Variants in KCNN2 observed in about 807,000 individuals in gnomAD.
The protein encoded by KCNN2 is small conductance calcium-activated potassium channel protein 2.
KCNN2 carries 24 observed loss-of-function variants against 55.5 expected under a neutral mutation model. The observed-to-expected ratio is 0.43, with a 90% confidence interval of 0.31 to 0.61. The LOEUF (loss-of-function observed/expected upper bound fraction) is 0.61, where lower values mean the gene tolerates loss of function less well. Ranked by LOEUF, KCNN2 falls within the 20% of genes least tolerant of loss-of-function variation. The pLI is 0.08. For synonymous variants in KCNN2, 431 were observed against 336.1 expected, an observed-to-expected ratio of 1.28 and a Z score of -3.09; for missense variants, 754 against 853.6, an observed-to-expected ratio of 0.88 and a Z score of 1.45.
chr5:114,467,884 C>G lies in KCNN2; in HGVS notation c.1779+4694C>G, dbSNP rs112772339. 6.5e-3 allele frequency among the ~76,000 whole-genome samples: 990 copies of G among 152,290 alleles called. 3 individuals are homozygous for G. The highest frequency in any genetic ancestry group is 0.012 in the Non-Finnish European group (793 of 68,032). On this transcript the variant is annotated intron_variant, in intron 4 of 7. Coordinates refer to ENST00000673685, the MANE Select transcript of KCNN2 (RefSeq NM_021614.4). ...TGAAGTACCTGCACTCACACTGGCA[C>G]TGTTGCTAATCAGGAGATTTAAACC...
chr5:114,159,375 C>T (rs1186879562), intron 1 of KCNN2, among the ~76,000 whole-genome samples: 1 of 152,058 alleles, frequency 6.6e-6, no homozygotes, highest in African/African-American at 2.4e-5. Flanking sequence ...GGTGGATAAG[C>T]TTTTGGATGT....
intron 2 of KCNN2, among the ~76,000 whole-genome samples, chr5:114,291,890 G>C (rs533846930): frequency 2.6e-4 from 40 of 152,118 alleles, no homozygotes; most frequent in African/African-American, 8.9e-4. Flanking sequence ...ATTCTAACTG[G>C]TGTGAGATGG....
chr5:114,062,002 T>G (rs577531047), intron 1 of KCNN2, among the ~76,000 whole-genome samples: 2 of 152,326 alleles, frequency 1.3e-5, no homozygotes, highest in Non-Finnish European at 2.9e-5. Flanking sequence ...GATGACCAAC[T>G]GTAATTGGTC....
At chr5:114,207,079 T>G (rs534972909) in intron 1 of KCNN2, among the ~76,000 whole-genome samples, 3 of 152,314 alleles carry the variant, frequency 2.0e-5, no homozygotes, top group Non-Finnish European at 2.9e-5. Context: ...GCATCTACAG[T>G]GGATCGTATC....
At chr5:114,077,800 G>T (rs569015718) in intron 1 of KCNN2, among the ~76,000 whole-genome samples, 2 of 152,164 alleles carry the variant, frequency 1.3e-5, no homozygotes, top group South Asian at 2.1e-4. Context: ...TCTCTGTCCC[G>T]TCTAGGGGAA....
intron 1 of KCNN2, among the ~76,000 whole-genome samples, chr5:114,148,948 G>T (rs1752460450): frequency 6.6e-6 from 1 of 152,036 alleles, no homozygotes; most frequent in Admixed American, 6.6e-5. Context: ...CTGAATAAGA[G>T]CCCAGTCAGC....
intron 1 of KCNN2, among the ~76,000 whole-genome samples, chr5:114,213,438 T>G (rs909616724): frequency 2.6e-5 from 4 of 151,942 alleles, no homozygotes; most frequent in Non-Finnish European, 4.4e-5. Context: ...CTTCTTTTTT[T>G]AATTCAGTAC....
At chr5:114,270,598 A>C (rs998421828) in intron 2 of KCNN2, among the ~76,000 whole-genome samples, 1 of 152,230 alleles carries the variant, frequency 6.6e-6, no homozygotes, top group Admixed American at 6.5e-5. Flanking sequence ...GGAATCATTA[A>C]GGACTAAATT....
At chr5:114,098,141 T>C (rs751195137) in intron 1 of KCNN2, among the ~76,000 whole-genome samples, 8 of 152,142 alleles carry the variant, frequency 5.3e-5, no homozygotes, top group Non-Finnish European at 1.0e-4. Flanking sequence ...CATGGCCTTC[T>C]TCTCTGTCTG....
intron 1 of KCNN2, among the ~76,000 whole-genome samples, chr5:114,160,168 G>A (rs1416374258): frequency 6.6e-6 from 1 of 152,128 alleles, no homozygotes; most frequent in Non-Finnish European, 1.5e-5. Context: ...TCTACATACT[G>A]CTTAGAATGT....
rs554366037 is a variant in KCNN2 at position 114,150,549 on chromosome 5, G to T, written c.-270-70931G>T. On this transcript the variant is annotated intron_variant, in intron 1 of 10. Coordinates refer to the KCNN2 transcript ENST00000512097. ...CCCCACATTCCCTGAGCTGACCCTTGTCATCTTACACAAAGCCTTTGGTCC... is the reference window on the plus strand; with the variant it reads ...CCCCACATTCCCTGAGCTGACCCTTTTCATCTTACACAAAGCCTTTGGTCC... Among the ~76,000 whole-genome samples, 5 of 152,288 alleles carry T rather than the reference G, an allele frequency of 3.3e-5. No homozygotes were observed. The East Asian group carries it at 9.6e-4, about 29-fold the overall frequency.
chr5:114,224,665 G>A (rs1481182295), intron 2 of KCNN2, among the ~76,000 whole-genome samples: 3 of 152,188 alleles, frequency 2.0e-5, no homozygotes, highest in Admixed American at 6.6e-5. Context: ...CAAGGCAGGT[G>A]AGGTTTCTGG....
intron 1 of KCNN2, among the ~76,000 whole-genome samples, chr5:114,176,320 A>G (rs753362438): frequency 6.6e-6 from 1 of 152,172 alleles, no homozygotes; most frequent in Non-Finnish European, 1.5e-5. Context: ...GCTTATAATC[A>G]TAAGTTTTTT....
chr5:114,107,656 A>G (rs1580520193), intron 1 of KCNN2, among the ~76,000 whole-genome samples: 1 of 151,970 alleles, frequency 6.6e-6, no homozygotes, highest in African/African-American at 2.4e-5. Context: ...TGGGCCTCCC[A>G]AAGTGTTGGC....
chr5:114,132,188 G>A lies in KCNN2; in HGVS notation c.-271+75688G>A, dbSNP rs190614032. Among the ~76,000 whole-genome samples, 697 of 152,220 alleles carry A rather than the reference G, an allele frequency of 4.6e-3. 2 individuals carry two copies. Among genetic ancestry groups the A allele is most frequent in the Non-Finnish European group, 6.2e-3 (424 of 68,010 alleles). On this transcript the variant is annotated intron_variant, in intron 1 of 10. Transcript: ENST00000512097. ...TGTTGCAATTGCTTTTGACATTTGT[G>A]TCATGAAATCTTTGATCATGCCTAT...
At chr5:114,228,914 A>G (rs1393797146) in intron 2 of KCNN2, among the ~76,000 whole-genome samples, 2 of 152,054 alleles carry the variant, frequency 1.3e-5, no homozygotes, top group Non-Finnish European at 2.9e-5. Flanking sequence ...GCAATAAATT[A>G]TTACTTTCAT....
At chr5:114,433,038 A>G (rs1759856501) in intron 3 of KCNN2, among the ~76,000 whole-genome samples, 1 of 151,984 alleles carries the variant, frequency 6.6e-6, no homozygotes, top group African/African-American at 2.4e-5. Flanking sequence ...GCCCAGTCCC[A>G]TCGACCACCC....
At chr5:114,269,094 GC>G (rs1755268557) in intron 2 of KCNN2, among the ~76,000 whole-genome samples, 1 of 152,056 alleles carries the variant, frequency 6.6e-6, no homozygotes, top group South Asian at 2.1e-4. Context: ...CACACAGGGC[GC>G]CCTGTCCTTC....
At chr5:114,306,693 T>TC (rs60519917) in intron 2 of KCNN2, among the ~76,000 whole-genome samples, 17 of 1,396 alleles carry the variant, frequency 0.012, no homozygotes, top group Non-Finnish European at 8.2e-3. Flanking sequence ...TTAAATTTTT[T>TC]TTTTTTCTTT....
Sources: allele counts gnomAD v4.1 joint callset (sites outside exome capture counted in the v4.1 genomes callset), GRCh38; gene constraint gnomAD v4.1.1; transcripts MANE v1.5; gene names NCBI Gene and HGNC (gene_info 2026-07-23, HGNC 2026-07-21).